Variants in EYS observed in about 807,000 individuals in gnomAD.
The protein encoded by EYS is protein eyes shut homolog.
In EYS, 250 loss-of-function variants were observed where a neutral mutation model predicts 282.1. That is an observed-to-expected ratio of 0.89 (90% CI 0.80 to 0.98). The LOEUF is 0.98. EYS is among the 50% of genes least tolerant of loss of function. The pLI is 0.00. For synonymous variants in EYS, 1,355 were observed against 1,282.9 expected (o/e 1.06, Z -1.20); for missense variants, 4,016 against 3,709.0 (o/e 1.08, Z -2.15).
intron 5 of EYS, among the ~76,000 whole-genome samples, chr6:65,408,717 T>C (rs764270352): frequency 4.6e-5 from 7 of 152,190 alleles, no homozygotes; most frequent in South Asian, 2.1e-4. Flanking sequence ...TAATGATTTC[T>C]GTGCAAATCT....
chr6:65,694,278 A>T lies in EYS; in HGVS notation c.-448+12857T>A, dbSNP rs189619074. On this transcript the variant is annotated intron_variant, in intron 1 of 42. Transcript: ENST00000503581. ...TATCTCAAAAAAAATAAAAAATAAA[A>T]AAATATATATATATGTATAATAAAA... Among the ~76,000 whole-genome samples, 59 of 148,034 alleles carry T rather than the reference A, an allele frequency of 4.0e-4. 1 individual carries two copies. Among genetic ancestry groups the T allele is most frequent in the African/African-American group, 1.5e-3 (58 of 39,520 alleles).
At chr6:64,240,059 G>T (rs1409157870) in intron 30 of EYS, among the ~76,000 whole-genome samples, 2 of 152,166 alleles carry the variant, frequency 1.3e-5, no homozygotes, top group African/African-American at 2.4e-5. Context: ...AGGTCAGATG[G>T]TTGTAGATGT....
chr6:64,225,131 G>C (rs1436915329), intron 31 of EYS, among the ~76,000 whole-genome samples: 1 of 151,960 alleles, frequency 6.6e-6, no homozygotes, highest in African/African-American at 2.4e-5. Flanking sequence ...TTGTTCCCTG[G>C]CTTTCCAGAA....
intron 26 of EYS, among the ~76,000 whole-genome samples, chr6:64,562,459 T>C (rs946511804): frequency 7.2e-5 from 11 of 151,942 alleles, no homozygotes; most frequent in African/African-American, 2.4e-4. Context: ...TATTCAAGAA[T>C]ATGTGGAAAC....
chr6:64,377,444 TG>T (rs1294076277), intron 29 of EYS, among the ~76,000 whole-genome samples: 1 of 152,140 alleles, frequency 6.6e-6, no homozygotes, highest in African/African-American at 2.4e-5. Flanking sequence ...TTTAAAAGTG[TG>T]GGTTTGAATT....
intron 26 of EYS, among the ~76,000 whole-genome samples, chr6:64,459,084 C>T (rs1037304366): frequency 1.3e-5 from 2 of 152,062 alleles, no homozygotes; most frequent in Non-Finnish European, 2.9e-5. Flanking sequence ...CAAAATGTAT[C>T]GTAAGCTAGG....
chr6:64,660,693 C>G (rs188570179), intron 22 of EYS, among the ~76,000 whole-genome samples: 1 of 152,096 alleles, frequency 6.6e-6, no homozygotes, highest in Non-Finnish European at 1.5e-5. Flanking sequence ...ATGTGAAGGA[C>G]CTCTTCAAGG....
Position 63,720,406 on chromosome 6 carries a change from A to C in EYS, c.*190T>G. The C allele has an allele frequency of 1.9e-6, 1 of 517,296 alleles. No individual in the cohort carries two copies. Among genetic ancestry groups the C allele is most frequent in the Non-Finnish European group, 3.3e-6 (1 of 299,040 alleles). The allele number at this position is 517,296 out of a possible 1,614,324, so 32.0% of individuals were successfully genotyped here. A position where few individuals can be genotyped will look rare whatever the true frequency, so the allele number is the denominator to read the frequency against. ...ACATGAATCAAAATATATACAGATA[A>C]ATTAGATGTAGGAAAAACAATCAGA... On this transcript the variant is annotated 3_prime_UTR_variant, in exon 43 of 43. Coordinates refer to ENST00000503581, the MANE Select transcript of EYS (RefSeq NM_001142800.2).
intron 31 of EYS, among the ~76,000 whole-genome samples, chr6:64,175,306 G>A (rs1764593125): frequency 6.6e-6 from 1 of 152,108 alleles, no homozygotes; most frequent in Non-Finnish European, 1.5e-5. Context: ...TCTCCAGAAA[G>A]CAAAGCCTCA....
At chr6:64,317,434 C>T (rs1770018756) in intron 29 of EYS, among the ~76,000 whole-genome samples, 1 of 150,676 alleles carries the variant, frequency 6.6e-6, no homozygotes, top group African/African-American at 2.4e-5. Flanking sequence ...AAAAAAAGCT[C>T]ATTTTCACTG....
intron 22 of EYS, among the ~76,000 whole-genome samples, chr6:64,711,394 T>A (rs534866830): frequency 3.9e-4 from 60 of 152,332 alleles, no homozygotes; most frequent in African/African-American, 1.4e-3. Context: ...GGGTTGAATT[T>A]TGTTACTAAC....
At chr6:63,940,613 T>A (rs1053150508) in intron 35 of EYS, among the ~76,000 whole-genome samples, 1 of 152,062 alleles carries the variant, frequency 6.6e-6, no homozygotes, top group African/African-American at 2.4e-5. Context: ...CTTCTTCTGA[T>A]GAGTTCGCAG....
chr6:65,217,010 A>C (rs1432040191), intron 12 of EYS, among the ~76,000 whole-genome samples: 1 of 152,094 alleles, frequency 6.6e-6, no homozygotes, highest in Non-Finnish European at 1.5e-5. Flanking sequence ...CTCAATCTAG[A>C]ATGTATTGAA....
intron 36 of EYS, among the ~76,000 whole-genome samples, chr6:63,837,366 T>A (rs1771836456): frequency 6.6e-6 from 1 of 152,048 alleles, no homozygotes; most frequent in South Asian, 2.1e-4. Flanking sequence ...TCTTAGTGAA[T>A]CATCTAAAAT....
At chr6:65,499,251 AC>A (rs1452698522) in intron 2 of EYS, among the ~76,000 whole-genome samples, 4 of 152,096 alleles carry the variant, frequency 2.6e-5, no homozygotes, top group African/African-American at 9.7e-5. Context: ...TTTTAAAAAA[AC>A]AAGGTAATAA....
chr6:64,273,414 G>T (rs948898953), intron 30 of EYS, among the ~76,000 whole-genome samples: 2 of 151,896 alleles, frequency 1.3e-5, no homozygotes, highest in African/African-American at 4.8e-5. Context: ...GGATAAATCT[G>T]TCCTCAGTGT....
intron 35 of EYS, among the ~76,000 whole-genome samples, chr6:63,891,615 C>T (rs1209359339): frequency 6.6e-6 from 1 of 152,122 alleles, no homozygotes; most frequent in Non-Finnish European, 1.5e-5. Flanking sequence ...TTATGACAAA[C>T]CCATGGCCAA....
intron 24 of EYS, among the ~76,000 whole-genome samples, chr6:64,606,576 A>C (rs1254900437): frequency 6.6e-6 from 1 of 152,114 alleles, no homozygotes; most frequent in Non-Finnish European, 1.5e-5. Context: ...ATTTATCATT[A>C]GAAACATTAA....
At chr6:64,066,273 A>G in intron 33 of EYS, 65 bp downstream of exon 33, 1 of 1,399,914 alleles carries the variant, frequency 7.1e-7, no homozygotes, top group Middle Eastern at 2.1e-4. Flanking sequence ...GCAAGACTCC[A>G]TCTCAAAACA....
Sources: gnomAD v4.1 joint callset for allele counts (sites outside exome capture counted in the v4.1 genomes callset) on GRCh38, gnomAD v4.1.1 for gene constraint, MANE v1.5 for transcripts, NCBI Gene and HGNC (gene_info 2026-07-23, HGNC 2026-07-21) for gene names.